The following PTPRD variants were observed in gnomAD, a reference collection of about 807,000 sequenced individuals.
PTPRD encodes protein tyrosine phosphatase receptor type D.
In PTPRD, 34 loss-of-function variants were observed where a neutral mutation model predicts 214.5. That is an observed-to-expected ratio of 0.16 (90% CI 0.12 to 0.21). The LOEUF (loss-of-function observed/expected upper bound fraction) is 0.21. Among genes scored for constraint, PTPRD ranks in the 10% least tolerant of loss-of-function variants. The pLI, the probability that PTPRD is intolerant of heterozygous loss-of-function variation, is 1.00. For synonymous variants in PTPRD, 1,128 were observed against 845.7 expected, an observed-to-expected ratio of 1.33 and a Z score of -5.79; for missense variants, 2,545 against 2,398.7, an observed-to-expected ratio of 1.06 and a Z score of -1.27.
At chr9:9,617,263 G>T (rs545555762) in intron 7 of PTPRD, among the ~76,000 whole-genome samples, 1 of 152,100 alleles carries the variant, frequency 6.6e-6, no homozygotes, top group East Asian at 1.9e-4. Flanking sequence ...TAGACTCCTC[G>T]TAGCCAGTCT....
chr9:9,526,576 A>G (rs1334742933), intron 8 of PTPRD, among the ~76,000 whole-genome samples: 2 of 152,226 alleles, frequency 1.3e-5, no homozygotes, highest in Non-Finnish European at 2.9e-5. Flanking sequence ...ATAGAAAGTT[A>G]TCAGAAATGT....
At chr9:9,091,101 T>C (rs1172221968) in intron 10 of PTPRD, 35 of 1,401,362 alleles carry the variant, frequency 2.5e-5, no homozygotes, top group Non-Finnish European at 3.5e-5. Context: ...CCAAGCTGTA[T>C]GTGAAGCTAC....
Position 9,310,603 on chromosome 9 carries a change from G to A in PTPRD, c.-203+86846C>T, listed in dbSNP as rs143273988. On this transcript the variant is annotated intron_variant, in intron 9 of 45. Coordinates refer to ENST00000381196, the MANE Select transcript of PTPRD (RefSeq NM_002839.4). ...AGCCGTTATTGAATGCCTACTATAT[G>A]TAAAGCATTTTCACAGATAATCTCA... is the stretch of plus-strand genomic sequence containing the variant. Among the ~76,000 whole-genome samples, 306 of 152,208 alleles carry A rather than the reference G, an allele frequency of 2.0e-3. 2 individuals carry two copies. Among genetic ancestry groups the A allele is most frequent in the African/African-American group, 6.8e-3 (281 of 41,538 alleles).
At chr9:9,139,049 A>C (rs1163322011) in intron 10 of PTPRD, among the ~76,000 whole-genome samples, 1 of 152,098 alleles carries the variant, frequency 6.6e-6, no homozygotes, top group Non-Finnish European at 1.5e-5. Flanking sequence ...TAGACTCTCA[A>C]ATCCAAATTT....
chr9:8,750,943 C>G (rs1431401243), intron 11 of PTPRD, among the ~76,000 whole-genome samples: 1 of 152,178 alleles, frequency 6.6e-6, no homozygotes, highest in Non-Finnish European at 1.5e-5. Context: ...CCTCCCCCGA[C>G]TGCCCTCCCT....
chr9:8,620,412 G>C (rs1437212163), intron 14 of PTPRD, among the ~76,000 whole-genome samples: 3 of 152,010 alleles, frequency 2.0e-5, no homozygotes, highest in African/African-American at 4.8e-5. Context: ...TTGAATTTTA[G>C]TAAATAATGC....
chr9:10,274,391 C>T (rs2094569984), intron 3 of PTPRD, among the ~76,000 whole-genome samples: 1 of 152,144 alleles, frequency 6.6e-6, no homozygotes, highest in Non-Finnish European at 1.5e-5. Context: ...AGGAGGCTGT[C>T]TCTAAATATA....
intron 12 of PTPRD, among the ~76,000 whole-genome samples, chr9:8,719,166 C>T (rs1408326869): frequency 3.3e-5 from 5 of 152,206 alleles, no homozygotes; most frequent in African/African-American, 4.8e-5. Flanking sequence ...TCAGGCACAC[C>T]GTGCAATGAA....
chr9:10,398,625 T>G (rs955739256), intron 2 of PTPRD, among the ~76,000 whole-genome samples: 1 of 151,986 alleles, frequency 6.6e-6, no homozygotes, highest in African/African-American at 2.4e-5. Context: ...TAATGCTTCT[T>G]ATAATTCAGT....
chr9:8,891,222 C>T (rs1315852749), intron 11 of PTPRD, among the ~76,000 whole-genome samples: 1 of 148,340 alleles, frequency 6.7e-6, no homozygotes, highest in Non-Finnish European at 1.5e-5. Context: ...CAAGCTCCGC[C>T]TCCCGGGTTC....
intron 10 of PTPRD, among the ~76,000 whole-genome samples, chr9:9,165,654 G>A (rs545376390): frequency 6.6e-6 from 1 of 152,236 alleles, no homozygotes; most frequent in East Asian, 1.9e-4. Context: ...TGTCAACTAT[G>A]ACTCTGTACA....
chr9:10,050,317 T>A (rs966871779), intron 3 of PTPRD, among the ~76,000 whole-genome samples: 2 of 151,550 alleles, frequency 1.3e-5, no homozygotes, highest in Non-Finnish European at 2.9e-5. Flanking sequence ...CCTAGCACTT[T>A]GGGAGGCTGA....
At chr9:9,578,985 T>A (rs1167739155) in intron 7 of PTPRD, among the ~76,000 whole-genome samples, 2 of 152,142 alleles carry the variant, frequency 1.3e-5, no homozygotes, top group African/African-American at 4.8e-5. Flanking sequence ...ACTTTATAGA[T>A]AAAACTGAGC....
intron 5 of PTPRD, among the ~76,000 whole-genome samples, chr9:9,790,449 C>T (rs2098959357): frequency 2.0e-5 from 3 of 152,130 alleles, no homozygotes; most frequent in African/African-American, 7.2e-5. Flanking sequence ...CTTTGCTGCC[C>T]ACTGCAGGTG....
At chr9:10,607,251 G>T (rs1471226647) in intron 2 of PTPRD, among the ~76,000 whole-genome samples, 5 of 151,718 alleles carry the variant, frequency 3.3e-5, no homozygotes, top group African/African-American at 1.2e-4. Context: ...GAAAATACAT[G>T]GACTCATTAT....
intron 11 of PTPRD, among the ~76,000 whole-genome samples, chr9:8,845,177 C>A (rs2381904): frequency 0.36 from 53,849 of 148,930 alleles, 13,407 homozygotes; most frequent in African/African-American, 0.71. Flanking sequence ...GAAAAAAAAA[C>A]AAAAACAAAA....
intron 7 of PTPRD, among the ~76,000 whole-genome samples, chr9:9,690,771 C>T (rs538778010): frequency 4.6e-4 from 70 of 151,914 alleles, no homozygotes; most frequent in African/African-American, 1.5e-3. Context: ...AATGAGTTGG[C>T]TGTAAATGTG....
chr9:8,532,342 T>A (rs977359864), intron 14 of PTPRD, among the ~76,000 whole-genome samples: 7 of 152,060 alleles, frequency 4.6e-5, no homozygotes, highest in Non-Finnish European at 2.9e-5. Flanking sequence ...AAGACGTTAA[T>A]TGCTTTTTTC....
chr9:10,582,141 TA>T (rs1275136218), intron 2 of PTPRD, among the ~76,000 whole-genome samples: 2 of 152,178 alleles, frequency 1.3e-5, no homozygotes, highest in Non-Finnish European at 2.9e-5. Flanking sequence ...ATGTGGGATC[TA>T]ACCAAATATT....
Sources: gnomAD v4.1 joint callset for allele counts (sites outside exome capture counted in the v4.1 genomes callset) on GRCh38, gnomAD v4.1.1 for gene constraint, MANE v1.5 for transcripts, NCBI Gene and HGNC (gene_info 2026-07-23, HGNC 2026-07-21) for gene names.